Variants in BLTP3B observed in about 807,000 individuals in gnomAD.
BLTP3B encodes UHRF1 (ICBP90) binding protein 1-like.
chr12:100,102,673 T>C, the BLTP3B span: 1 of 853,190 alleles, frequency 1.2e-6, no homozygotes. Flanking sequence ...GAGAGCTGAC[T>C]GAAATAGAGG....
At chr12:100,068,180 C>T in the BLTP3B span, among the ~76,000 whole-genome samples, 1 of 152,148 alleles carries the variant, frequency 6.6e-6, no homozygotes, top group African/African-American at 2.4e-5. Flanking sequence ...ATAGAGAATC[C>T]AGAAGTAAAC....
At chr12:100,121,114 G>T in the BLTP3B span, among the ~76,000 whole-genome samples, 1 of 152,036 alleles carries the variant, frequency 6.6e-6, no homozygotes, top group African/African-American at 2.4e-5. Context: ...TTGGGAGGTC[G>T]AGGTGGGCGG....
chr12:100,099,761 A>AATTG, the BLTP3B span, among the ~76,000 whole-genome samples: 2 of 150,498 alleles, frequency 1.3e-5, no homozygotes, highest in East Asian at 2.0e-4. Context: ...TTAATTAACT[A>AATTG]ATTGATTAAT....
chr12:100,050,110 A>G, the BLTP3B span: 3 of 1,361,852 alleles, frequency 2.2e-6, no homozygotes, highest in Non-Finnish European at 2.9e-6. Context: ...AGACATATAT[A>G]AAAGTTAAAA....
chr12:100,142,618 C>G, the BLTP3B span: 1 of 1,608,850 alleles, frequency 6.2e-7, no homozygotes, highest in Non-Finnish European at 8.5e-7. Flanking sequence ...AGATTTGTTT[C>G]TTGATGATCC....
At chr12:100,104,005 A>C in the BLTP3B span, 4 of 1,396,320 alleles carry the variant, frequency 2.9e-6, no homozygotes, top group Non-Finnish European at 4.0e-6. Context: ...AAAATAATGT[A>C]AACAGTAATC....
At chr12:100,068,396 T>C in the BLTP3B span, among the ~76,000 whole-genome samples, 1 of 152,208 alleles carries the variant, frequency 6.6e-6, no homozygotes, top group Non-Finnish European at 1.5e-5. Flanking sequence ...ATAAAAATTC[T>C]AGAAGATAAC....
the BLTP3B span, among the ~76,000 whole-genome samples, chr12:100,068,965 T>C: frequency 6.6e-6 from 1 of 152,176 alleles, no homozygotes; most frequent in Non-Finnish European, 1.5e-5. Context: ...AGGCAGAGCA[T>C]GGTGGCTCCC....
chr12:100,122,516 T>A, the BLTP3B span, among the ~76,000 whole-genome samples: 1 of 152,222 alleles, frequency 6.6e-6, no homozygotes, highest in African/African-American at 2.4e-5. Flanking sequence ...ATTGTAGCAA[T>A]ATATGGCAAC....
the BLTP3B span, among the ~76,000 whole-genome samples, chr12:100,089,897 C>G: frequency 9.9e-4 from 150 of 152,248 alleles, no homozygotes; most frequent in South Asian, 2.1e-3. Flanking sequence ...GGGGTGGCTT[C>G]CCCCATACTG....
At chr12:100,086,333 C>T in the BLTP3B span, 4 of 1,586,838 alleles carry the variant, frequency 2.5e-6, no homozygotes, top group Admixed American at 1.8e-5. Context: ...GTTGCATTGC[C>T]CCTCCAGTAA....
chr12:100,127,154 A>C, the BLTP3B span, among the ~76,000 whole-genome samples: 1 of 152,238 alleles, frequency 6.6e-6, no homozygotes, highest in African/African-American at 2.4e-5. Flanking sequence ...CAAGCGTCTC[A>C]GAGGATTTGC....
the BLTP3B span, among the ~76,000 whole-genome samples, chr12:100,113,305 G>A: frequency 3.3e-5 from 5 of 151,868 alleles, no homozygotes; most frequent in East Asian, 3.9e-4. Context: ...GCGAAACCTC[G>A]TCCCTACTAA....
At chr12:100,052,017 C>G in the BLTP3B span, 1 of 151,282 alleles carries the variant, frequency 6.6e-6, no homozygotes, top group Non-Finnish European at 1.5e-5. Flanking sequence ...TTGCATTGCA[C>G]TCTAGGACAG....
At chr12:100,060,774 C>T in the BLTP3B span, among the ~76,000 whole-genome samples, 3 of 152,256 alleles carry the variant, frequency 2.0e-5, no homozygotes, top group South Asian at 2.1e-4. Context: ...GTTTTCAGAG[C>T]ACCTTGAAGA....
the BLTP3B span, chr12:100,039,872 A>G: frequency 8.0e-7 from 1 of 1,247,436 alleles, no homozygotes; most frequent in Non-Finnish European, 1.1e-6. Context: ...AATCTAATTT[A>G]AAACTAAATA....
the BLTP3B span, among the ~76,000 whole-genome samples, chr12:100,043,079 G>A: frequency 4.6e-5 from 7 of 152,152 alleles, no homozygotes; most frequent in East Asian, 1.9e-4. Flanking sequence ...GATTACAGGC[G>A]TGAGCCACCA....
At chr12:100,118,221 G>A in the BLTP3B span, among the ~76,000 whole-genome samples, 1 of 151,962 alleles carries the variant, frequency 6.6e-6, no homozygotes, top group Non-Finnish European at 1.5e-5. Context: ...GGTGGCTTAT[G>A]CCTCTCCAAA....
the BLTP3B span, chr12:100,059,352 C>T: frequency 6.2e-7 from 1 of 1,613,768 alleles, no homozygotes; most frequent in African/African-American, 1.3e-5. Flanking sequence ...TTTGGGGAAG[C>T]TGGTATATGT....
Sources: gnomAD v4.1 joint callset for allele counts (sites outside exome capture counted in the v4.1 genomes callset) on GRCh38, gnomAD v4.1.1 for gene constraint, MANE v1.5 for transcripts, NCBI Gene and HGNC (gene_info 2026-07-23, HGNC 2026-07-21) for gene names.